The following B4GALNT3 variants were observed in gnomAD, a reference collection of about 807,000 sequenced individuals.
B4GALNT3 encodes beta-1,4-N-acetylgalactosaminyltransferase 3.
B4GALNT3 carries 86 observed loss-of-function variants against 120.2 expected under a neutral mutation model. That is an observed-to-expected ratio of 0.72 (90% CI 0.60 to 0.86). The LOEUF is 0.86. Ranked by LOEUF, B4GALNT3 falls within the 40% of genes least tolerant of loss-of-function variation. The pLI is 0.00. For synonymous variants in B4GALNT3, 518 were observed against 510.4 expected (o/e 1.01, Z -0.20); for missense variants, 1,167 against 1,298.9 (o/e 0.90, Z 1.56).
chr12:490,453 T>C (rs1016987575), intron 1 of B4GALNT3, among the ~76,000 whole-genome samples: 1 of 152,160 alleles, frequency 6.6e-6, no homozygotes, highest in African/African-American at 2.4e-5. Context: ...AAGAATATTA[T>C]GGGCTGGGTA....
At chr12:478,435 T>G (rs545469409) in intron 1 of B4GALNT3, among the ~76,000 whole-genome samples, 61 of 152,278 alleles carry the variant, frequency 4.0e-4, no homozygotes, top group Non-Finnish European at 7.8e-4. Flanking sequence ...CACCTGTCTG[T>G]TTTAGGGAAG....
At chr12:558,190 G>A in intron 17 of B4GALNT3, 102 bp downstream of exon 17, 4 of 1,317,662 alleles carry the variant, frequency 3.0e-6, no homozygotes, top group Non-Finnish European at 4.3e-6. Context: ...AGGGAGGACG[G>A]GAATGAGGAC....
rs770268487 is a variant in B4GALNT3, at chr12:553,788, T to TC, written c.1866dup (p.Glu623ArgfsTer7). 1 of 1,614,126 alleles carries TC rather than the reference T, an allele frequency of 6.2e-7. No homozygotes were observed. The highest frequency in any genetic ancestry group is 2.2e-5 in the East Asian group (1 of 44,880). On this transcript the variant is annotated frameshift_variant, in exon 14 of 20. Coordinates refer to ENST00000266383, the MANE Select transcript of B4GALNT3 (RefSeq NM_173593.4). LOFTEE classifies it high-confidence loss of function. Reference sequence around the variant, plus strand: ...GAGGAAGAGGATATGAGTGAGGTGTTCGAGTACGTACCTGTGTTTGACCCG... The same window carrying TC: ...GAGGAAGAGGATATGAGTGAGGTGTTCCGAGTACGTACCTGTGTTTGACCCG...
intron 1 of B4GALNT3, among the ~76,000 whole-genome samples, chr12:466,891 G>A (rs899406288): frequency 2.6e-5 from 4 of 151,850 alleles, no homozygotes; most frequent in Non-Finnish European, 4.4e-5. Context: ...GTATATGTAC[G>A]GAAAGCTTGA....
chr12:523,207 A>G (rs779053947), intron 1 of B4GALNT3, among the ~76,000 whole-genome samples: 18 of 152,298 alleles, frequency 1.2e-4, no homozygotes, highest in Non-Finnish European at 2.5e-4. Flanking sequence ...TCCCTAGCCC[A>G]GAATCGTGAC....
chr12:528,359 G>A (rs886926400), intron 1 of B4GALNT3, among the ~76,000 whole-genome samples: 3 of 152,104 alleles, frequency 2.0e-5, no homozygotes, highest in African/African-American at 7.2e-5. Context: ...CTGAGTAGCT[G>A]AGATTACAGG....
At chr12:510,227 T>G (rs1426179425) in intron 1 of B4GALNT3, among the ~76,000 whole-genome samples, 1 of 152,010 alleles carries the variant, frequency 6.6e-6, no homozygotes, top group Non-Finnish European at 1.5e-5. Context: ...GGTGCTGCTG[T>G]AGGGGTAAGA....
chr12:493,904 C>T (rs905183013), intron 1 of B4GALNT3, among the ~76,000 whole-genome samples: 2 of 152,212 alleles, frequency 1.3e-5, no homozygotes, highest in East Asian at 3.9e-4. Context: ...GTCCACACTT[C>T]TCCATAGTTC....
Position 560,277 on chromosome 12 carries a change from G to A in B4GALNT3, c.2888+856G>A, listed in dbSNP as rs575731383. ...TCAGGAGCACTGGGGGCGGGACCTC[G>A]ACACGAAGACACGCTCACTTCTTCC... On this transcript the variant is annotated intron_variant, in intron 19 of 19. Coordinates refer to ENST00000266383, the MANE Select transcript of B4GALNT3 (RefSeq NM_173593.4). Among the ~76,000 whole-genome samples, 13 of 152,250 alleles carry A rather than the reference G, an allele frequency of 8.5e-5. No individual in the cohort carries two copies. In the South Asian group the frequency reaches 2.3e-3, roughly 27 times the overall value.
At chr12:512,390 T>TTGAC (rs1270082069) in intron 1 of B4GALNT3, among the ~76,000 whole-genome samples, 1 of 111,832 alleles carries the variant, frequency 8.9e-6, no homozygotes, top group Non-Finnish European at 1.8e-5. Context: ...CCTTCCACCT[T>TTGAC]CTTCCACCTT....
intron 1 of B4GALNT3, among the ~76,000 whole-genome samples, chr12:480,965 C>T (rs1946237340): frequency 6.6e-6 from 1 of 152,224 alleles, no homozygotes; most frequent in Admixed American, 6.5e-5. Context: ...GCTCGGCAGC[C>T]AACACAGAAA....
At position 553,253 on chromosome 12, in the gene B4GALNT3, G is replaced by A. The variant is rs753424814; in HGVS notation, c.1330G>A (p.Ala444Thr). 1 of 1,613,428 alleles carries A rather than the reference G, an allele frequency of 6.2e-7. No homozygotes were observed. Among genetic ancestry groups the A allele is most frequent in the East Asian group, 2.2e-5 (1 of 44,886 alleles). Residue 444 changes from alanine (A) to threonine (T), a missense_variant, in exon 14 of 20, where the codon GCC becomes ACC. Physicochemically the swap from Ala to Thr is moderately conservative, Grantham distance 58. Coordinates refer to ENST00000266383, the MANE Select transcript of B4GALNT3 (RefSeq NM_173593.4). ...QYGEVAEETP[A>T]SNNQNARMLE... ...TGGGGAAGTGGCAGAGGAGACCCCT[G>A]CCTCCAACAACCAGAATGCCAGGAT...
intron 1 of B4GALNT3, among the ~76,000 whole-genome samples, chr12:470,543 C>T (rs945819586): frequency 3.9e-5 from 6 of 152,200 alleles, no homozygotes; most frequent in Non-Finnish European, 7.3e-5. Context: ...CTCTCTGTCC[C>T]GGGTCTCCTT....
intron 19 of B4GALNT3, among the ~76,000 whole-genome samples, 187 bp from the exon 20 acceptor site, chr12:561,156 C>T (rs962229923): frequency 1.2e-4 from 19 of 152,208 alleles, no homozygotes; most frequent in African/African-American, 3.9e-4. Context: ...TGAAAGAAGG[C>T]GTGACATACC....
chr12:546,634 C>T lies in B4GALNT3; in HGVS notation c.640-12C>T. ...CTGTTCCTCCCTCCTCTTCTCTCTTCCACACCTCTAGACTGGAAAGGAGTG... is the reference window on the plus strand; with the variant it reads ...CTGTTCCTCCCTCCTCTTCTCTCTTTCACACCTCTAGACTGGAAAGGAGTG... On this transcript the variant is annotated splice_polypyrimidine_tract_variant and intron_variant, in intron 6 of 19. Transcript: ENST00000266383. 5.8e-6 allele frequency: 9 copies of T among 1,551,024 alleles called. No individual in the cohort carries two copies. Among genetic ancestry groups the T allele is most frequent in the Non-Finnish European group, 7.0e-6 (8 of 1,146,380 alleles).
At chr12:557,795 G>A (rs376463344) in intron 16 of B4GALNT3, 34 bp downstream of exon 16, 12 of 1,582,178 alleles carry the variant, frequency 7.6e-6, no homozygotes, top group African/African-American at 1.4e-5. Context: ...GGTGGCATGG[G>A]CCACGTCCAT....
At chr12:547,819 TTATGC>T in intron 7 of B4GALNT3, among the ~76,000 whole-genome samples, 200 bp from the exon 8 acceptor site, 1 of 152,300 alleles carries the variant, frequency 6.6e-6, no homozygotes, top group East Asian at 1.9e-4. Context: ...GGTACTCTGA[TTATGC>T]CCATCTCACC....
chr12:477,126 G>A (rs1832869610), intron 1 of B4GALNT3, among the ~76,000 whole-genome samples: 1 of 152,154 alleles, frequency 6.6e-6, no homozygotes, highest in Non-Finnish European at 1.5e-5. Context: ...GACTCCTGGT[G>A]CCTAGACTAT....
Position 562,474 on chromosome 12 carries a change from G to A in B4GALNT3, c.*1023G>A, listed in dbSNP as rs1326435312. The A allele has an allele frequency of 6.6e-6, 1 of 152,362 alleles. No individual in the cohort carries two copies. The highest frequency in any genetic ancestry group is 1.5e-5 in the Non-Finnish European group (1 of 68,164). 9.4% of individuals were successfully genotyped at this position (152,362 alleles called of 1,614,324 possible). On this transcript the variant is annotated 3_prime_UTR_variant, in exon 20 of 20. Transcript: ENST00000266383. The surrounding 1 kb of genome is among the most constrained non-coding windows in gnomAD (Gnocchi z 5.2). Reference sequence around the variant, plus strand: ...CTGCAGGGAGAGCCCTGGCCACCCGGCCTTGAGTGGAAGAAGAGGAAAGGG... The same window carrying A: ...CTGCAGGGAGAGCCCTGGCCACCCGACCTTGAGTGGAAGAAGAGGAAAGGG...
Sources: gnomAD v4.1 joint callset for allele counts (sites outside exome capture counted in the v4.1 genomes callset) on GRCh38, gnomAD v4.1.1 for gene constraint, Gnocchi (gnomAD v3.1) non-coding constraint, MANE v1.5 for transcripts, NCBI Gene and HGNC (gene_info 2026-07-23, HGNC 2026-07-21) for gene names.